CFAP95: variants seen among roughly 807,000 people sequenced by gnomAD.
CFAP95 encodes cilia- and flagella-associated protein 95.
the CFAP95 span, among the ~76,000 whole-genome samples, chr9:69,864,559 A>G: frequency 6.6e-6 from 1 of 152,266 alleles, no homozygotes; most frequent in African/African-American, 2.4e-5. Flanking sequence ...TCTAGGAGAA[A>G]GGCATCTATA....
At chr9:69,898,635 T>C in the CFAP95 span, among the ~76,000 whole-genome samples, 1 of 152,296 alleles carries the variant, frequency 6.6e-6, no homozygotes, top group African/African-American at 2.4e-5. Context: ...CAGTTTTCAA[T>C]TTCAGGAAAA....
the CFAP95 span, among the ~76,000 whole-genome samples, chr9:69,845,076 C>A: frequency 6.6e-6 from 1 of 152,098 alleles, no homozygotes; most frequent in Non-Finnish European, 1.5e-5. Context: ...GAGTTTATAC[C>A]CTGGTCTTTG....
At chr9:69,895,369 C>CTCTCTCTCTCTG in the CFAP95 span, among the ~76,000 whole-genome samples, 6 of 107,918 alleles carry the variant, frequency 5.6e-5, no homozygotes, top group African/African-American at 1.1e-4. Flanking sequence ...CTCTCTCTCT[C>CTCTCTCTCTCTG]TGTGTGTGTG....
At chr9:69,858,433 AT>A in the CFAP95 span, among the ~76,000 whole-genome samples, 1 of 152,122 alleles carries the variant, frequency 6.6e-6, no homozygotes, top group Non-Finnish European at 1.5e-5. Flanking sequence ...TCTAACTCTT[AT>A]GCTTTTTGTT....
the CFAP95 span, among the ~76,000 whole-genome samples, chr9:69,893,556 C>T: frequency 1.3e-5 from 2 of 152,194 alleles, no homozygotes; most frequent in South Asian, 4.1e-4. Context: ...TTCATTTCAG[C>T]ATAGACAGTC....
chr9:69,888,279 C>T, the CFAP95 span, among the ~76,000 whole-genome samples: 1 of 151,980 alleles, frequency 6.6e-6, no homozygotes, highest in Non-Finnish European at 1.5e-5. Context: ...TCATTATATG[C>T]TACATTCTGA....
chr9:69,858,623 G>C, the CFAP95 span, among the ~76,000 whole-genome samples: 1 of 152,132 alleles, frequency 6.6e-6, no homozygotes, highest in Non-Finnish European at 1.5e-5. Flanking sequence ...AAAATAAGAT[G>C]TCTTTAAGCA....
the CFAP95 span, among the ~76,000 whole-genome samples, chr9:69,868,805 G>GA: frequency 4.9e-3 from 679 of 139,598 alleles, 4 homozygotes; most frequent in African/African-American, 0.016. Context: ...CAACTTATTA[G>GA]AAAAAAAAAA....
the CFAP95 span, among the ~76,000 whole-genome samples, chr9:69,826,173 T>C: frequency 6.6e-6 from 1 of 152,206 alleles, no homozygotes; most frequent in Admixed American, 6.5e-5. Context: ...CATGAAGCTC[T>C]TCAGACTTCC....
the CFAP95 span, among the ~76,000 whole-genome samples, chr9:69,836,507 C>T: frequency 6.6e-6 from 1 of 152,002 alleles, no homozygotes; most frequent in Admixed American, 6.5e-5. Context: ...AAATTGATCC[C>T]CTTCTCCAAC....
the CFAP95 span, among the ~76,000 whole-genome samples, chr9:69,821,185 T>C: frequency 7.0e-6 from 1 of 143,048 alleles, no homozygotes; most frequent in Non-Finnish European, 1.5e-5. Flanking sequence ...GGGGGAGAAA[T>C]GTAGAGAAAG....
At chr9:69,905,814 C>G in the CFAP95 span, 1 of 590,768 alleles carries the variant, frequency 1.7e-6, no homozygotes, top group Non-Finnish European at 2.5e-6. Context: ...GAAACATTTG[C>G]TATTTGAGAG....
At chr9:69,829,799 G>A in the CFAP95 span, among the ~76,000 whole-genome samples, 2 of 152,166 alleles carry the variant, frequency 1.3e-5, no homozygotes, top group Non-Finnish European at 2.9e-5. Flanking sequence ...GCCCAGACTT[G>A]GGGCTCAGGG....
the CFAP95 span, among the ~76,000 whole-genome samples, chr9:69,821,501 C>T: frequency 6.6e-6 from 1 of 152,094 alleles, no homozygotes; most frequent in Non-Finnish European, 1.5e-5. Context: ...ACATTTCTGA[C>T]ACAGGCACTT....
chr9:69,884,855 C>CT, the CFAP95 span, among the ~76,000 whole-genome samples: 61,598 of 151,248 alleles, frequency 0.41, 13,401 homozygotes, highest in Middle Eastern at 0.67. Flanking sequence ...TTAGATTTGT[C>CT]TTTAAAAAAA....
chr9:69,892,612 C>T, the CFAP95 span, among the ~76,000 whole-genome samples: 3 of 152,202 alleles, frequency 2.0e-5, no homozygotes, highest in Non-Finnish European at 2.9e-5. Context: ...ACCTATGGCC[C>T]AAAATGAGAA....
the CFAP95 span, among the ~76,000 whole-genome samples, chr9:69,889,004 A>C: frequency 1.3e-5 from 2 of 152,212 alleles, no homozygotes; most frequent in African/African-American, 4.8e-5. Context: ...ATTTATGATG[A>C]CAAAACTTGG....
At chr9:69,857,883 T>C in the CFAP95 span, 3 of 1,608,810 alleles carry the variant, frequency 1.9e-6, no homozygotes, top group East Asian at 6.7e-5. Context: ...TAACAAGTTT[T>C]CTAAAAAAAT....
the CFAP95 span, among the ~76,000 whole-genome samples, chr9:69,847,922 C>T: frequency 7.2e-5 from 11 of 152,140 alleles, no homozygotes; most frequent in African/African-American, 2.7e-4. Flanking sequence ...AGTCTAAGAA[C>T]AGAACAATAG....
Sources: gnomAD v4.1 joint callset for allele counts (sites outside exome capture counted in the v4.1 genomes callset) on GRCh38, gnomAD v4.1.1 for gene constraint, MANE v1.5 for transcripts, NCBI Gene and HGNC (gene_info 2026-07-23, HGNC 2026-07-21) for gene names.